DIXDC1: variants seen among roughly 807,000 people sequenced by gnomAD.
The protein encoded by DIXDC1 is DIX domain containing 1.
A neutral mutation model predicts 103.1 loss-of-function variants in DIXDC1; 64 were observed. That is an observed-to-expected ratio of 0.62 (90% CI 0.51 to 0.76). The LOEUF (loss-of-function observed/expected upper bound fraction) is 0.76, where lower values mean the gene tolerates loss of function less well. DIXDC1 is among the 30% of genes least tolerant of loss of function. The pLI is 0.00. For synonymous variants in DIXDC1, 266 were observed against 298.5 expected (o/e 0.89, Z 1.12); for missense variants, 759 against 834.2 (o/e 0.91, Z 1.11).
intron 12 of DIXDC1, 127 bp downstream of exon 12, chr11:111,993,131 T>C (rs1458061128): frequency 2.8e-6 from 3 of 1,073,668 alleles, no homozygotes; most frequent in Non-Finnish European, 4.0e-6. Flanking sequence ...CCTTGCTTTT[T>C]AGAAGGAAGC....
At position 111,977,485 on chromosome 11, in the gene DIXDC1, G is replaced by A. The variant is rs184397849; in HGVS notation, c.656+2502G>A. 0.013 allele frequency: 17,186 copies of A among 1,324,050 alleles called. 138 individuals are homozygous for A. The highest frequency in any genetic ancestry group is 0.015 in the Non-Finnish European group (15,719 of 1,039,984). 82.0% of individuals were successfully genotyped at this position (1,324,050 alleles called of 1,614,324 possible). On this transcript the variant is annotated intron_variant, in intron 5 of 19. Coordinates refer to ENST00000440460, the MANE Select transcript of DIXDC1 (RefSeq NM_001037954.4). This position sits in a 1 kb window ranked among gnomAD's most constrained non-coding sequence, Gnocchi z 6.1. ...GGCCAGGGGCCGGCAGCCTGCGAGGGGAGGCAGCTTCCGCCGGGGCCGGGC... is the reference window on the plus strand; with the variant it reads ...GGCCAGGGGCCGGCAGCCTGCGAGGAGAGGCAGCTTCCGCCGGGGCCGGGC...
At chr11:111,947,396 T>A (rs1175738286) in intron 1 of DIXDC1, among the ~76,000 whole-genome samples, 1 of 152,196 alleles carries the variant, frequency 6.6e-6, no homozygotes, top group East Asian at 1.9e-4. Context: ...ATTGTTCAAA[T>A]CAAGCAGCAG....
chr11:112,005,049 C>T (rs10789856), intron 17 of DIXDC1, among the ~76,000 whole-genome samples: 43,613 of 152,058 alleles, frequency 0.29, 7,728 homozygotes, highest in East Asian at 0.54. Context: ...TCATATATGA[C>T]AAGGATGTCG....
In DIXDC1 at chr11:112,021,494, G is replaced by C. The variant is rs1440860483; in HGVS notation, c.*2458G>C. 6.6e-6 allele frequency: 1 copy of C among 152,196 alleles called. No homozygotes were observed. The highest frequency in any genetic ancestry group is 1.5e-5 in the Non-Finnish European group (1 of 68,040). 9.4% of individuals were successfully genotyped at this position (152,196 alleles called of 1,614,324 possible). A position where few individuals can be genotyped will look rare whatever the true frequency, so the allele number is the denominator to read the frequency against. On this transcript the variant is annotated 3_prime_UTR_variant, in exon 20 of 20. Coordinates refer to ENST00000440460, the MANE Select transcript of DIXDC1 (RefSeq NM_001037954.4). ...TAGGAGGCCTCCTGACTTATTCATAGTATTGTCGCCTGGTGGCATTGGTGT... is the reference window on the plus strand; with the variant it reads ...TAGGAGGCCTCCTGACTTATTCATACTATTGTCGCCTGGTGGCATTGGTGT...
intron 8 of DIXDC1, among the ~76,000 whole-genome samples, chr11:111,985,991 C>T (rs1376442063): frequency 6.6e-6 from 1 of 152,146 alleles, no homozygotes; most frequent in Non-Finnish European, 1.5e-5. Flanking sequence ...CCTCTACATA[C>T]TTCCCTGTAC....
intron 17 of DIXDC1, among the ~76,000 whole-genome samples, chr11:112,007,094 G>C (rs191810007): frequency 1.3e-5 from 2 of 152,300 alleles, no homozygotes; most frequent in African/African-American, 4.8e-5. Context: ...AGAATAAACA[G>C]TGTAGAGAAG....
rs1221019363 is a variant in DIXDC1, at chr11:111,977,325, G to A, written c.656+2342G>A. On this transcript the variant is annotated intron_variant, in intron 5 of 19. Transcript: ENST00000440460. This position sits in a 1 kb window ranked among gnomAD's most constrained non-coding sequence, Gnocchi z 6.1. ...CGGGGAGGGATCCGGAAGGTGGCAC[G>A]GAGTGGGATCGCCGCTGGGGACTCG... 11 of 1,048,634 alleles carry A rather than the reference G, an allele frequency of 1.0e-5. No individual in the cohort carries two copies. The highest frequency in any genetic ancestry group is 1.3e-5 in the Non-Finnish European group (11 of 870,100). The allele number at this position is 1,048,634 out of a possible 1,614,324, so 65.0% of individuals were successfully genotyped here.
At position 112,019,467 on chromosome 11, in the gene DIXDC1, C is replaced by T. The variant is rs1482840797; in HGVS notation, c.*431C>T. On this transcript the variant is annotated 3_prime_UTR_variant, in exon 20 of 20. Coordinates refer to ENST00000440460, the MANE Select transcript of DIXDC1 (RefSeq NM_001037954.4). ...ATCAGAGTCCCAGCGTTTGTACTCA[C>T]AGACAAGGCAAAGGTACCAGCTTTT... 2 of 153,374 alleles carry T rather than the reference C, an allele frequency of 1.3e-5. No individual in the cohort carries two copies. Among genetic ancestry groups the T allele is most frequent in the South Asian group, 2.1e-4 (1 of 4,864 alleles). 9.5% of individuals were successfully genotyped at this position (153,374 alleles called of 1,614,324 possible).
At chr11:111,995,380 C>T in intron 15 of DIXDC1, 23 bp from the exon 16 acceptor site, 2 of 1,608,324 alleles carry the variant, frequency 1.2e-6, no homozygotes, top group Non-Finnish European at 1.7e-6. Context: ...GCCATGCCAG[C>T]AACACCTTAT....
In DIXDC1 at chr11:111,994,163, G is replaced by A. The variant is rs587668429; in HGVS notation, c.1437+423G>A. Among the ~76,000 whole-genome samples, 80 of 152,266 alleles carry A rather than the reference G, an allele frequency of 5.3e-4. 3 individuals carry two copies. The South Asian group carries it at 0.016, about 31-fold the overall frequency. ...GCACTTTGGGAGGCCAAGGCAGGTG[G>A]CTAACTTGAGGTCAGGAGTTTGAGA... On this transcript the variant is annotated intron_variant, in intron 14 of 19. Transcript: ENST00000440460.
chr11:111,978,649 G>A (rs1313869152), intron 5 of DIXDC1, among the ~76,000 whole-genome samples: 1 of 152,170 alleles, frequency 6.6e-6, no homozygotes, highest in Non-Finnish European at 1.5e-5. Flanking sequence ...TGTGCTTTTA[G>A]GAAAGCAGTT....
intron 8 of DIXDC1, among the ~76,000 whole-genome samples, chr11:111,985,688 A>C (rs479658): frequency 0.5 from 76,529 of 151,672 alleles, 21,684 homozygotes; most frequent in African/African-American, 0.78. Flanking sequence ...CTTAAACATT[A>C]ACCTGGGCGG....
upstream of DIXDC1, among the ~76,000 whole-genome samples, chr11:111,934,060 T>C (rs1555167939): frequency 6.6e-6 from 1 of 152,254 alleles, no homozygotes; most frequent in East Asian, 1.9e-4. Context: ...TTATGTAATG[T>C]AATGTTGCAT....
chr11:111,993,664 T>C lies in DIXDC1; in HGVS notation c.1366-5T>C. On this transcript the variant is annotated splice_polypyrimidine_tract_variant and splice_region_variant and intron_variant, in intron 13 of 19. Coordinates refer to ENST00000440460, the MANE Select transcript of DIXDC1 (RefSeq NM_001037954.4). ...TCATTTTCTGATTTAGTGTCTATTT[T>C]GCAGGTGGATCTAGAGCGAGAGCTA... 2 of 1,614,080 alleles carry C rather than the reference T, an allele frequency of 1.2e-6. No homozygotes were observed. Among genetic ancestry groups the C allele is most frequent in the Non-Finnish European group, 1.7e-6 (2 of 1,179,904 alleles).
Position 111,964,592 on chromosome 11 carries a change from A to G in DIXDC1, c.104A>G (p.Lys35Arg). The change falls in exon 2 of 20, where the codon AAG (lysine) becomes AGG (arginine). Residue 35 changes from lysine to arginine, a missense_variant. Lys to Arg is a conservative substitution (Grantham distance 26). Around this residue, in one of 3 missense-constraint regions of DIXDC1, gnomAD observed 97 missense variants for 85.4 expected, o/e 1.14. Coordinates refer to ENST00000440460, the MANE Select transcript of DIXDC1 (RefSeq NM_001037954.4). ...AYVAWVNAQL[K>R]KRPAVKPVQD... ...GTGGCCTGGGTGAATGCACAGCTGA[A>G]GAAGAGGCCAGCAGTGAAGCCTGTG... 1 of 1,610,604 alleles carries G rather than the reference A, an allele frequency of 6.2e-7. No individual in the cohort carries two copies. The highest frequency in any genetic ancestry group is 8.5e-7 in the Non-Finnish European group (1 of 1,178,370).
At chr11:111,965,416 G>T (rs1440641038) in intron 2 of DIXDC1, among the ~76,000 whole-genome samples, 1 of 152,178 alleles carries the variant, frequency 6.6e-6, no homozygotes, top group Non-Finnish European at 1.5e-5. Flanking sequence ...GCACATAATA[G>T]GTTCTCAAAC....
At chr11:111,965,908 C>T (rs1459425442) in intron 2 of DIXDC1, among the ~76,000 whole-genome samples, 5 of 152,134 alleles carry the variant, frequency 3.3e-5, no homozygotes, top group African/African-American at 1.2e-4. Flanking sequence ...CCTAGATCTG[C>T]TTTAATTCCA....
chr11:111,952,140 A>T (rs1555170041), intron 1 of DIXDC1, among the ~76,000 whole-genome samples: 1 of 152,152 alleles, frequency 6.6e-6, no homozygotes, highest in Non-Finnish European at 1.5e-5. Flanking sequence ...TGCTGGGATT[A>T]TAGGCATGAG....
chr11:111,936,329 AAAAT>A (rs1488656081), upstream of DIXDC1, among the ~76,000 whole-genome samples: 2 of 152,238 alleles, frequency 1.3e-5, no homozygotes, highest in African/African-American at 4.8e-5. Context: ...AGTATTCCTA[AAAAT>A]AAATAATCAA....
Sources: allele counts gnomAD v4.1 joint callset (sites outside exome capture counted in the v4.1 genomes callset), GRCh38; gene constraint gnomAD v4.1.1; regional missense constraint gnomAD v4.1.1; non-coding constraint Gnocchi (gnomAD v3.1); transcripts MANE v1.5; gene names NCBI Gene and HGNC (gene_info 2026-07-23, HGNC 2026-07-21).